Variants in DYNLL2 observed in about 807,000 individuals in gnomAD.
DYNLL2 encodes dynein light chain LC8-type 2, also known as dynein light chain 2, cytoplasmic.
Under a neutral mutation model 9.7 loss-of-function variants are expected in DYNLL2, and 1 was observed. That is an observed-to-expected ratio of 0.10 (90% confidence interval 0.04 to 0.49). The LOEUF (loss-of-function observed/expected upper bound fraction) is 0.49. DYNLL2 is among the 20% of genes least tolerant of loss of function. The pLI is 0.95. For synonymous variants in DYNLL2, 35 were observed against 40.5 expected (o/e 0.86, Z 0.52); for missense variants, 37 against 115.2 (o/e 0.32, Z 3.11).
chr17:58,084,537 G>A (rs2075751268), intron 1 of DYNLL2, among the ~76,000 whole-genome samples: 1 of 152,138 alleles, frequency 6.6e-6, no homozygotes, highest in South Asian at 2.1e-4. Flanking sequence ...TCCCAAGGAG[G>A]GAGGGGCTAG....
At chr17:58,085,587 T>C (rs1268240990) in intron 1 of DYNLL2, among the ~76,000 whole-genome samples, 1 of 152,170 alleles carries the variant, frequency 6.6e-6, no homozygotes, top group Non-Finnish European at 1.5e-5. Context: ...GCTCATCCCC[T>C]CTGTTCCTGC....
chr17:58,089,071 G>C, intron 2 of DYNLL2, 71 bp from the exon 3 acceptor site: 1 of 1,578,398 alleles, frequency 6.3e-7, no homozygotes, highest in Non-Finnish European at 8.7e-7. Context: ...TGCAGGGAGA[G>C]ACTCCCATTC....
chr17:58,085,324 T>C (rs962612135), intron 1 of DYNLL2, among the ~76,000 whole-genome samples: 1 of 152,094 alleles, frequency 6.6e-6, no homozygotes, highest in Non-Finnish European at 1.5e-5. Flanking sequence ...GAAATGGTGG[T>C]GGTGAGTTCT....
chr17:58,085,610 A>G (rs2075757199), intron 1 of DYNLL2, among the ~76,000 whole-genome samples: 1 of 152,170 alleles, frequency 6.6e-6, no homozygotes, highest in Non-Finnish European at 1.5e-5. Context: ...AGTACCTCAC[A>G]TGTTGCCACC....
At chr17:58,085,496 A>G (rs1182318898) in intron 1 of DYNLL2, among the ~76,000 whole-genome samples, 1 of 152,190 alleles carries the variant, frequency 6.6e-6, no homozygotes, top group Non-Finnish European at 1.5e-5. Flanking sequence ...GGGCTGGGCC[A>G]CAGAGGGGTG....
At position 58,094,499 on chromosome 17, in the gene DYNLL2, T is replaced by C. The variant is rs1037718835; in HGVS notation, c.*5220T>C. ...GGGAAGAAACTTGTCTAAGGTCACA[T>C]GGATGTTCGCAACAATTGGGATGCA... On this transcript the variant is annotated 3_prime_UTR_variant, in exon 3 of 3. Transcript: ENST00000579991. 2.0e-5 allele frequency: 3 copies of C among 152,188 alleles called. No homozygotes were observed. Among genetic ancestry groups the C allele is most frequent in the African/African-American group, 4.8e-5 (2 of 41,432 alleles). The allele number at this position is 152,188 out of a possible 1,614,324, so 9.4% of individuals were successfully genotyped here.
chr17:58,089,479 G>C lies in DYNLL2; in HGVS notation c.*200G>C, dbSNP rs1384659774. 11 of 588,272 alleles carry C rather than the reference G, an allele frequency of 1.9e-5. No individual in the cohort carries two copies. Among genetic ancestry groups the C allele is most frequent in the Non-Finnish European group, 3.0e-5 (11 of 367,116 alleles). 36.4% of individuals were successfully genotyped at this position (588,272 alleles called of 1,614,324 possible). The stretch of plus-strand genomic sequence containing the variant: ...CTGTTTAGTTGCCTGGGGGAAGAAG[G>C]CTGCTTTATGTTTATTTTTCAAGAC... On this transcript the variant is annotated 3_prime_UTR_variant, in exon 3 of 3. Transcript: ENST00000579991.
rs1555583402 is a variant in DYNLL2, at chr17:58,090,835, T to TC, written c.*1556_*1557insC. 7.6e-6 allele frequency: 1 copy of TC among 131,298 alleles called. No individual in the cohort carries two copies. The highest frequency in any genetic ancestry group is 7.8e-5 in the Admixed American group (1 of 12,792). The allele number at this position is 131,298 out of a possible 1,614,324, so 8.1% of individuals were successfully genotyped here. Reference sequence around the variant, plus strand: ...AAACTCTCGTGTAGGGTTGACAATGTGGGGGGGTGGGGGATCCAGCTTATT... The same window carrying TC: ...AAACTCTCGTGTAGGGTTGACAATGTCGGGGGGGTGGGGGATCCAGCTTATT... On this transcript the variant is annotated 3_prime_UTR_variant, in exon 3 of 3. Coordinates refer to ENST00000579991, the MANE Select transcript of DYNLL2 (RefSeq NM_080677.3).
At position 58,087,201 on chromosome 17, in the gene DYNLL2, C is replaced by G; in HGVS notation, c.111C>G (p.Asp37Glu). The G allele has an allele frequency of 1.2e-6, 2 of 1,614,164 alleles. No individual in the cohort carries two copies. Among genetic ancestry groups the G allele is most frequent in the Non-Finnish European group, 1.7e-6 (2 of 1,180,004 alleles). The change falls in exon 2 of 3, where the codon GAC (aspartate) becomes GAG (glutamate). Residue 37 changes from aspartate to glutamate, a missense_variant. Transcript: ENST00000579991. ...TGGAGAAGTACAATATAGAGAAGGA[C>G]ATTGCTGCCTATATCAAGAAGGTGT... ...QAMEKYNIEK[D>E]IAAYIKKEFD...
chr17:58,086,538 G>A (rs931342692), intron 1 of DYNLL2, among the ~76,000 whole-genome samples: 7 of 152,184 alleles, frequency 4.6e-5, no homozygotes, highest in African/African-American at 1.7e-4. Context: ...ACTTGTCTAA[G>A]ACCACGAGAG....
rs1310884157 is a variant in DYNLL2, at chr17:58,094,840, A to G, written c.*5561A>G. 6.6e-6 allele frequency: 1 copy of G among 152,242 alleles called. No individual in the cohort carries two copies. Among genetic ancestry groups the G allele is most frequent in the Non-Finnish European group, 1.5e-5 (1 of 68,030 alleles). The allele number at this position is 152,242 out of a possible 1,614,324, so 9.4% of individuals were successfully genotyped here. ...TGAATTTGCCTAATCTGGACATTTC[A>G]TATAAATGCAATTGTACATGTGGCC... On this transcript the variant is annotated 3_prime_UTR_variant, in exon 3 of 3. Coordinates refer to ENST00000579991, the MANE Select transcript of DYNLL2 (RefSeq NM_080677.3).
Position 58,095,428 on chromosome 17 carries a change from C to T in DYNLL2, c.*6149C>T, listed in dbSNP as rs187860271. ...AAAAAGCAAAAATTCTCCCTCCCAC[C>T]TCTGTCTTCCAGCTACGGGGTTACC... On this transcript the variant is annotated 3_prime_UTR_variant, in exon 3 of 3. Coordinates refer to ENST00000579991, the MANE Select transcript of DYNLL2 (RefSeq NM_080677.3). 3 of 152,340 alleles carry T rather than the reference C, an allele frequency of 2.0e-5. No homozygotes were observed. Among genetic ancestry groups the T allele is most frequent in the Admixed American group, 2.0e-4 (3 of 15,304 alleles). The allele number at this position is 152,340 out of a possible 1,614,324, so 9.4% of individuals were successfully genotyped here.
rs2075774506 is a variant in DYNLL2, at chr17:58,090,054, C to T, written c.*775C>T. ...GAATCTTTTTTTTCTTTACATTTTT[C>T]TCCTGTCTGCTCCCTGCTTAGCCCT... On this transcript the variant is annotated 3_prime_UTR_variant, in exon 3 of 3. Coordinates refer to ENST00000579991, the MANE Select transcript of DYNLL2 (RefSeq NM_080677.3). 1 of 395,764 alleles carries T rather than the reference C, an allele frequency of 2.5e-6. No homozygotes were observed. The highest frequency in any genetic ancestry group is 4.4e-6 in the Non-Finnish European group (1 of 224,996). The allele number at this position is 395,764 out of a possible 1,614,324, so 24.5% of individuals were successfully genotyped here.
At position 58,085,687 on chromosome 17, in the gene DYNLL2, T is replaced by G. The variant is rs1479914352; in HGVS notation, c.-9-1395T>G. Among the ~76,000 whole-genome samples the G allele has an allele frequency of 9.8e-5, 15 of 152,294 alleles. No individual in the cohort carries two copies. In the East Asian group the frequency reaches 2.5e-3, roughly 25 times the overall value. On this transcript the variant is annotated intron_variant, in intron 1 of 2. Coordinates refer to ENST00000579991, the MANE Select transcript of DYNLL2 (RefSeq NM_080677.3). ...CCATGCAGGGTCTGCCTGGAACCTG[T>G]GGTTGCTATGGCATGAATGGCATGG...
At position 58,095,079 on chromosome 17, in the gene DYNLL2, T is replaced by C. The variant is rs2075793462; in HGVS notation, c.*5800T>C. The C allele has an allele frequency of 2.0e-5, 3 of 152,232 alleles. No homozygotes were observed. Among genetic ancestry groups the C allele is most frequent in the South Asian group, 2.1e-4 (1 of 4,830 alleles). 9.4% of individuals were successfully genotyped at this position (152,232 alleles called of 1,614,324 possible). On this transcript the variant is annotated 3_prime_UTR_variant, in exon 3 of 3. Transcript: ENST00000579991. ...TGATGTACAGATTTTTGTGTAGATA[T>C]GTTTTCAATTATCTTGGGGCATCTT...
intron 1 of DYNLL2, among the ~76,000 whole-genome samples, chr17:58,085,684 C>A (rs76259387): frequency 6.6e-6 from 1 of 152,172 alleles, no homozygotes; most frequent in Admixed American, 6.5e-5. Context: ...TGCCTGGAAC[C>A]TGTGGTTGCT....
chr17:58,089,562 C>G lies in DYNLL2; in HGVS notation c.*283C>G, dbSNP rs761198615. 1.5e-5 allele frequency: 7 copies of G among 461,426 alleles called. No individual in the cohort carries two copies. Among genetic ancestry groups the G allele is most frequent in the Non-Finnish European group, 2.6e-5 (7 of 267,508 alleles). 28.6% of individuals were successfully genotyped at this position (461,426 alleles called of 1,614,324 possible). A position where few individuals can be genotyped will look rare whatever the true frequency, so the allele number is the denominator to read the frequency against. ...GAAATCTCTCCCACCTCTCCCTTTT[C>G]TCTTTCTTTCCCTATACAAAATAAA... On this transcript the variant is annotated 3_prime_UTR_variant, in exon 3 of 3. Coordinates refer to ENST00000579991, the MANE Select transcript of DYNLL2 (RefSeq NM_080677.3).
chr17:58,085,138 G>C (rs1305992661), intron 1 of DYNLL2, among the ~76,000 whole-genome samples: 1 of 152,196 alleles, frequency 6.6e-6, no homozygotes, highest in Non-Finnish European at 1.5e-5. Context: ...TTCCTCTCCA[G>C]AATGTGGGGG....
At chr17:58,087,003 T>G in intron 1 of DYNLL2, 79 bp from the exon 2 acceptor site, 1 of 1,561,160 alleles carries the variant, frequency 6.4e-7, no homozygotes, top group Non-Finnish European at 8.7e-7. Context: ...CCTCTTGCAC[T>G]GAGACCCCAC....
Sources: gnomAD v4.1 joint callset for allele counts (sites outside exome capture counted in the v4.1 genomes callset) on GRCh38, gnomAD v4.1.1 for gene constraint, MANE v1.5 for transcripts, NCBI Gene and HGNC (gene_info 2026-07-23, HGNC 2026-07-21) for gene names.